CCDC138: variants seen among roughly 807,000 people sequenced by gnomAD.
CCDC138 encodes the protein coiled-coil domain containing 138, also known as coiled-coil domain-containing protein 138.
Under a neutral mutation model 82.3 loss-of-function variants are expected in CCDC138, and 66 were observed. The ratio of observed to expected loss-of-function variants is 0.80; its 90% confidence interval spans 0.66 to 0.98. The LOEUF (loss-of-function observed/expected upper bound fraction) is 0.98. CCDC138 is among the 50% of genes least tolerant of loss of function. The pLI is 0.00. For synonymous variants in CCDC138, 297 were observed against 265.4 expected, an observed-to-expected ratio of 1.12 and a Z score of -1.16; for missense variants, 816 against 758.9, an observed-to-expected ratio of 1.08 and a Z score of -0.88.
intron 7 of CCDC138, among the ~76,000 whole-genome samples, chr2:108,805,293 T>C (rs1027808605): frequency 2.6e-5 from 4 of 152,216 alleles, no homozygotes; most frequent in Admixed American, 6.5e-5. Flanking sequence ...TTAATACTTA[T>C]TATTTATCAC....
intron 12 of CCDC138, among the ~76,000 whole-genome samples, chr2:108,853,957 TA>T (rs1692063333): frequency 2.5e-5 from 3 of 120,502 alleles, no homozygotes; most frequent in African/African-American, 9.6e-5. Context: ...ACAATAAATA[TA>T]TATAATAAAA....
intron 11 of CCDC138, among the ~76,000 whole-genome samples, chr2:108,842,500 A>G (rs1275414960): frequency 6.6e-6 from 1 of 152,120 alleles, no homozygotes; most frequent in Non-Finnish European, 1.5e-5. Context: ...TTACCCATAC[A>G]GGTTTTTCAC....
At chr2:108,838,292 A>G (rs1201897232) in intron 10 of CCDC138, among the ~76,000 whole-genome samples, 1 of 152,198 alleles carries the variant, frequency 6.6e-6, no homozygotes, top group Non-Finnish European at 1.5e-5. Flanking sequence ...AAGGTTTTTT[A>G]AGACGTCCAA....
chr2:108,831,178 C>CA (rs145782826), intron 10 of CCDC138, among the ~76,000 whole-genome samples: 13 of 149,408 alleles, frequency 8.7e-5, no homozygotes, highest in Non-Finnish European at 1.3e-4. Flanking sequence ...GACTCTGTCT[C>CA]AAAAAAAAAG....
intron 6 of CCDC138, among the ~76,000 whole-genome samples, chr2:108,802,788 T>G (rs2149636344): frequency 6.6e-6 from 1 of 151,970 alleles, no homozygotes; most frequent in East Asian, 1.9e-4. Flanking sequence ...GCTCTTATTA[T>G]TTTGAAATAC....
chr2:108,794,714 A>G lies in CCDC138; in HGVS notation c.569A>G (p.Lys190Arg). 6.2e-7 allele frequency: 1 copy of G among 1,609,424 alleles called. No individual in the cohort carries two copies. The highest frequency in any genetic ancestry group is 8.5e-7 in the Non-Finnish European group (1 of 1,176,336). The stretch of plus-strand genomic sequence containing the variant: ...GACGAATTATTTCAGATACATCTGA[A>G]ATTGCAGGTAAGAACTAAATACTGA... ...IYDELFQIHL[K>R]LQCETAAQQK... is the part of the protein sequence containing the mutation. Residue 190 changes from lysine (K) to arginine (R), a missense_variant, in exon 5 of 15, where the codon AAA (lysine) becomes AGA (arginine). Coordinates refer to ENST00000295124, the MANE Select transcript of CCDC138 (RefSeq NM_144978.3).
At chr2:108,866,098 A>G (rs1482220080) in intron 13 of CCDC138, among the ~76,000 whole-genome samples, 1 of 152,162 alleles carries the variant, frequency 6.6e-6, no homozygotes, top group Non-Finnish European at 1.5e-5. Flanking sequence ...TTTCACACCT[A>G]CTGGGATGCA....
At chr2:108,825,647 T>C (rs1686449226) in intron 10 of CCDC138, among the ~76,000 whole-genome samples, 1 of 152,240 alleles carries the variant, frequency 6.6e-6, no homozygotes, top group South Asian at 2.1e-4. Context: ...TCATTCCTTT[T>C]TATTACCAAA....
chr2:108,852,764 GGA>G (rs1294112178), intron 12 of CCDC138, among the ~76,000 whole-genome samples: 1 of 152,002 alleles, frequency 6.6e-6, no homozygotes, highest in East Asian at 1.9e-4. Context: ...GTGGGAGGAG[GGA>G]CAGGATCAGG....
At chr2:108,809,833 TCTCA>T (rs1382985679) in intron 7 of CCDC138, among the ~76,000 whole-genome samples, 11 of 151,930 alleles carry the variant, frequency 7.2e-5, no homozygotes, top group South Asian at 4.1e-4. Context: ...TGTGATGGAG[TCTCA>T]CTCTGTCGCC....
At chr2:108,884,499 GAAGA>G (rs1696375388) in intron 2 of CCDC138, 2 of 152,194 alleles carry the variant, frequency 1.3e-5, no homozygotes, top group South Asian at 2.1e-4. Context: ...AATCAAAATA[GAAGA>G]AAGAGCACCG....
chr2:108,873,344 TC>T, intron 13 of CCDC138, 106 bp from the exon 14 acceptor site: 1 of 1,049,958 alleles, frequency 9.5e-7, no homozygotes, highest in South Asian at 3.5e-5. Flanking sequence ...AGAATGAAAA[TC>T]TAAATGAATA....
At chr2:108,838,251 T>A (rs1574152123) in intron 10 of CCDC138, among the ~76,000 whole-genome samples, 1 of 152,132 alleles carries the variant, frequency 6.6e-6, no homozygotes, top group African/African-American at 2.4e-5. Context: ...AATTGGCTGG[T>A]CCAGGGAGGG....
At chr2:108,820,699 C>CAAAAAAAA (rs764017401) in intron 10 of CCDC138, among the ~76,000 whole-genome samples, 7 of 62,576 alleles carry the variant, frequency 1.1e-4, no homozygotes, top group African/African-American at 3.2e-4. Context: ...ATTCAAAGTG[C>CAAAAAAAA]AAAAAAAAAA....
chr2:108,816,811 C>T (rs1207720815), intron 10 of CCDC138, among the ~76,000 whole-genome samples: 1 of 152,098 alleles, frequency 6.6e-6, no homozygotes, highest in Non-Finnish European at 1.5e-5. Context: ...GTCTTCCTGC[C>T]TCATCCCTTT....
At chr2:108,882,877 T>A (rs907307186) in intron 2 of CCDC138, 1 of 152,090 alleles carries the variant, frequency 6.6e-6, no homozygotes, top group Non-Finnish European at 1.5e-5. Context: ...AGGTAGGGAT[T>A]TAAGGATGGC....
chr2:108,793,193 T>TA (rs370487338), intron 4 of CCDC138, among the ~76,000 whole-genome samples: 213 of 146,128 alleles, frequency 1.5e-3, no homozygotes, highest in African/African-American at 4.0e-3. Flanking sequence ...CTGTCTCTAC[T>TA]AAAAAAAAAA....
At chr2:108,862,483 A>C (rs1693793487) in intron 13 of CCDC138, among the ~76,000 whole-genome samples, 2 of 152,194 alleles carry the variant, frequency 1.3e-5, no homozygotes. Context: ...CAACCTGTAT[A>C]ATGTGGTGAT....
At chr2:108,816,318 G>C (rs1684798886) in intron 10 of CCDC138, among the ~76,000 whole-genome samples, 1 of 152,060 alleles carries the variant, frequency 6.6e-6, no homozygotes, top group African/African-American at 2.4e-5. Flanking sequence ...GGGCATTTTG[G>C]CACGTGCCTG....
Sources: allele counts gnomAD v4.1 joint callset (sites outside exome capture counted in the v4.1 genomes callset), GRCh38; gene constraint gnomAD v4.1.1; transcripts MANE v1.5; gene names NCBI Gene and HGNC (gene_info 2026-07-23, HGNC 2026-07-21).